Variants in OSCAR observed in about 807,000 individuals in gnomAD.
The protein encoded by OSCAR is osteoclast-associated immunoglobulin-like receptor.
OSCAR carries 25 observed loss-of-function variants against 27.3 expected under a neutral mutation model. That is an observed-to-expected ratio of 0.92 (90% CI 0.67 to 1.28). The LOEUF is 1.28. OSCAR is among the 50% of genes most tolerant of loss of function. The pLI, the probability that OSCAR is intolerant of heterozygous loss-of-function variation, is 0.00. For missense variants in OSCAR, 354 were observed against 355.1 expected (o/e 1.00, Z 0.03); for synonymous variants, 158 against 165.7 (o/e 0.95, Z 0.36).
In OSCAR at chr19:54,095,012, G is replaced by A. The variant is rs1447992552; in HGVS notation, c.*209C>T. 2.1e-5 allele frequency: 16 copies of A among 754,998 alleles called. No homozygotes were observed. The Admixed American group carries it at 5.5e-4, about 26-fold the overall frequency. 46.8% of individuals were successfully genotyped at this position (754,998 alleles called of 1,614,324 possible). A position where few individuals can be genotyped will look rare whatever the true frequency, so the allele number is the denominator to read the frequency against. On this transcript the variant is annotated 3_prime_UTR_variant, in exon 5 of 5. Coordinates refer to ENST00000358375, the MANE Select transcript of OSCAR (RefSeq NM_133169.6). Reference sequence around the variant, plus strand: ...GAACCCTCTGTCTTCTGGCTTGGAAGTCTTAACCACTAATCGCGTCTTCCT... The same window carrying A: ...GAACCCTCTGTCTTCTGGCTTGGAAATCTTAACCACTAATCGCGTCTTCCT...
chr19:54,095,593 G>A, intron 4 of OSCAR: 1 of 1,176,162 alleles, frequency 8.5e-7, no homozygotes, highest in South Asian at 1.6e-5. Context: ...CAGGAAGGAG[G>A]GGCTGGGGGC....
chr19:54,099,745 C>T lies in OSCAR; in HGVS notation c.70+3G>A. 1 of 1,613,478 alleles carries T rather than the reference C, an allele frequency of 6.2e-7. No individual in the cohort carries two copies. Among genetic ancestry groups the T allele is most frequent in the East Asian group, 2.2e-5 (1 of 44,864 alleles). ...AAGGAGAGTGGATGGGGTGGCTACTCACCAGACGGAGTGATGTCTGTGTGA... is the reference window on the plus strand; with the variant it reads ...AAGGAGAGTGGATGGGGTGGCTACTTACCAGACGGAGTGATGTCTGTGTGA... On this transcript the variant is annotated splice_donor_region_variant and intron_variant, in intron 2 of 4. Transcript: ENST00000358375.
chr19:54,097,300 A>G (rs905274585), intron 2 of OSCAR, 136 bp from the exon 3 acceptor site: 1 of 911,190 alleles, frequency 1.1e-6, no homozygotes, highest in Non-Finnish European at 1.6e-6. Context: ...TTGTAAAATC[A>G]GGGAGAGACT....
rs1568540947 is a variant in OSCAR, at chr19:54,096,971, C to G, written c.264G>C (p.Glu88Asp). ...TTCCCCCTTGGGCTGGAGTCACCTC[C>G]TCCAGAAAGAATTCTGCCAGCTCGG... ...VSSELAEFFL[E>D]EVTPAQGGSY... The change falls in exon 3 of 5, where the codon GAG (glutamate) becomes GAC (aspartate). Residue 88 changes from glutamate to aspartate, a missense_variant. By Grantham distance (45) the Glu-to-Asp change is conservative. Transcript: ENST00000358375. The G allele has an allele frequency of 6.2e-7, 1 of 1,614,152 alleles. No homozygotes were observed.
rs781756809 is a variant in OSCAR, at chr19:54,095,228, C to T, written c.785G>A (p.Arg262His). 2.5e-6 allele frequency: 4 copies of T among 1,611,568 alleles called. No individual in the cohort carries two copies. Among genetic ancestry groups the T allele is most frequent in the South Asian group, 1.1e-5 (1 of 90,572 alleles). The change falls in exon 5 of 5, where the codon CGC becomes CAC. Residue 262 changes from arginine to histidine, a missense_variant. Transcript: ENST00000358375. Reference sequence around the variant, plus strand: ...CTGCAGTGCTCCTGGGGCTCAGGGGCGGATACCAGCAGGAGCGCGGTTCTG... The same window carrying T: ...CTGCAGTGCTCCTGGGGCTCAGGGGTGGATACCAGCAGGAGCGCGGTTCTG... ...RSQNRAPAGI[R>H]P
intron 3 of OSCAR, among the ~76,000 whole-genome samples, chr19:54,096,398 CCCTCTCTCTCTGCCT>C: frequency 7.5e-6 from 1 of 133,994 alleles, no homozygotes; most frequent in Non-Finnish European, 1.6e-5. Context: ...CTCTCTGCCT[CCCTCTCTCTCTGCCT>C]CCCTCTCTCT....
chr19:54,095,641 C>T, intron 4 of OSCAR: 1 of 1,003,744 alleles, frequency 1.0e-6, no homozygotes, highest in Non-Finnish European at 1.4e-6. Context: ...TACTGGGGCC[C>T]GGGAATCCTG....
rs1435117560 is a variant in OSCAR, at chr19:54,096,103, GACCC to G, written c.420_423del (p.Gly141LeufsTer5). 4.6e-6 allele frequency: 7 copies of G among 1,530,514 alleles called. No individual in the cohort carries two copies. In the South Asian group the frequency reaches 8.4e-5, roughly 18 times the overall value. The allele number at this position is 1,530,514 out of a possible 1,614,324, so 94.8% of individuals were successfully genotyped here. Reference sequence around the variant, plus strand: ...CAGCGCAGGCTCACGTTGGCGCCAGGACCCACCACCGGCCCGGGCAGCGCCACCA... The same window carrying G: ...CAGCGCAGGCTCACGTTGGCGCCAGGACCACCGGCCCGGGCAGCGCCACCA... On this transcript the variant is annotated frameshift_variant, in exon 4 of 5. Transcript: ENST00000358375. LOFTEE classifies it high-confidence loss of function.
chr19:54,095,189 T>C lies in OSCAR; in HGVS notation c.*32A>G. On this transcript the variant is annotated 3_prime_UTR_variant, in exon 5 of 5. Coordinates refer to ENST00000358375, the MANE Select transcript of OSCAR (RefSeq NM_133169.6). ...GGTCCCAGCTTCTCCGCCACTCAGG[T>C]TGGAAGTCTCGGGCTGCAGTGCTCC... 6.2e-7 allele frequency: 1 copy of C among 1,602,192 alleles called. No individual in the cohort carries two copies. The highest frequency in any genetic ancestry group is 8.5e-7 in the Non-Finnish European group (1 of 1,173,862).
At chr19:54,100,697 C>A in intron 1 of OSCAR, 59 bp downstream of exon 1, 1 of 1,512,750 alleles carries the variant, frequency 6.6e-7, no homozygotes, top group Non-Finnish European at 9.0e-7. Flanking sequence ...GTCTCCATTG[C>A]CTCTCTCTCT....
chr19:54,094,991 CCTCT>C lies in OSCAR; in HGVS notation c.*226_*229del. The stretch of plus-strand genomic sequence containing the variant: ...TAGACGGCAGTGCTGGGATTCGAAC[CCTCT>C]GTCTTCTGGCTTGGAAGTCTTAACC... On this transcript the variant is annotated 3_prime_UTR_variant, in exon 5 of 5. Coordinates refer to ENST00000358375, the MANE Select transcript of OSCAR (RefSeq NM_133169.6). 1 of 600,016 alleles carries C rather than the reference CCTCT, an allele frequency of 1.7e-6. No individual in the cohort carries two copies. Among genetic ancestry groups the C allele is most frequent in the South Asian group, 3.6e-5 (1 of 27,780 alleles). The allele number at this position is 600,016 out of a possible 1,614,324, so 37.2% of individuals were successfully genotyped here.
At position 54,096,747 on chromosome 19, in the gene OSCAR, T is replaced by C. The variant is rs1313705108; in HGVS notation, c.373+115A>G. 13 of 1,164,946 alleles carry C rather than the reference T, an allele frequency of 1.1e-5. No homozygotes were observed. The Admixed American group carries it at 2.3e-4, about 20-fold the overall frequency. 72.2% of individuals were successfully genotyped at this position (1,164,946 alleles called of 1,614,324 possible). ...TAGTGTCTCTGTATCTGTCTTTTCTTGTGTCTGTGAATCTGTTTGCCCGCC... is the reference window on the plus strand; with the variant it reads ...TAGTGTCTCTGTATCTGTCTTTTCTCGTGTCTGTGAATCTGTTTGCCCGCC... On this transcript the variant is annotated intron_variant, in intron 3 of 4. Coordinates refer to ENST00000358375, the MANE Select transcript of OSCAR (RefSeq NM_133169.6).
intron 3 of OSCAR, 22 bp from the exon 4 acceptor site, chr19:54,096,175 C>A (rs1404446167): frequency 6.8e-7 from 1 of 1,480,110 alleles, no homozygotes; most frequent in Non-Finnish European, 8.9e-7. Flanking sequence ...GGGTGAGAGT[C>A]CGGGGCCGCG....
rs1239550029 is a variant in OSCAR, at chr19:54,094,689, G to A, written c.*532C>T. 1.3e-5 allele frequency: 2 copies of A among 152,402 alleles called. No individual in the cohort carries two copies. The highest frequency in any genetic ancestry group is 2.9e-5 in the Non-Finnish European group (2 of 68,206). The allele number at this position is 152,402 out of a possible 1,614,324, so 9.4% of individuals were successfully genotyped here. A position where few individuals can be genotyped will look rare whatever the true frequency, so the allele number is the denominator to read the frequency against. ...AGAGTTAGCAGCAGCAAGATTTATT[G>A]TGTAGAGCAAGAGAACAAAGCTCCC... On this transcript the variant is annotated 3_prime_UTR_variant, in exon 5 of 5. Transcript: ENST00000358375.
At chr19:54,099,838 A>G in intron 1 of OSCAR, 58 bp from the exon 2 acceptor site, 2 of 1,556,708 alleles carry the variant, frequency 1.3e-6, no homozygotes, top group East Asian at 2.3e-5. Flanking sequence ...TCTGAGGCAG[A>G]GTCTCACTCT....
In OSCAR at chr19:54,096,887, G is replaced by A. The variant is rs1316636973; in HGVS notation, c.348C>T (p.Ser116=). The A allele has an allele frequency of 6.2e-7, 1 of 1,613,630 alleles. No individual in the cohort carries two copies. ...CTGTCACCAGCAGCTCCAGGACATC[G>A]CTGGGCTGGGACCAGACACCCGGCC... ...DWGPGVWSQP[S]DVLELLVTEE... is the part of the protein sequence containing the mutation. Residue 116 remains serine (S), a synonymous_variant, in exon 3 of 5, where the codon AGC becomes AGT. Transcript: ENST00000358375.
At position 54,099,754 on chromosome 19, in the gene OSCAR, G is replaced by A; in HGVS notation, c.64C>T (p.Pro22Ser). ...GGATGGGGTGGCTACTCACCAGACG[G>A]AGTGATGTCTGTGTGACACAGAGGC... The part of the protein sequence containing the change: ...LWPLCHTDIT[P>S]SVPPASYHPK... Residue 22 changes from proline (P) to serine (S), a missense_variant, in exon 2 of 5, where the codon CCG becomes TCG. Transcript: ENST00000358375. 6.2e-7 allele frequency: 1 copy of A among 1,613,816 alleles called. No individual in the cohort carries two copies. Among genetic ancestry groups the A allele is most frequent in the East Asian group, 2.2e-5 (1 of 44,876 alleles).
rs892573708 is a variant in OSCAR, at chr19:54,096,964, T to G, written c.271A>C (p.Thr91Pro). The G allele has an allele frequency of 1.5e-5, 24 of 1,613,682 alleles. No homozygotes were observed. The highest frequency in any genetic ancestry group is 1.9e-5 in the Non-Finnish European group (22 of 1,179,964). The change falls in exon 3 of 5, where the codon ACT (threonine) becomes CCT (proline). Residue 91 changes from threonine (T) to proline (P), a missense_variant. Transcript: ENST00000358375. ...ELAEFFLEEV[T>P]PAQGGSYRCC... ...CGGTAACTTCCCCCTTGGGCTGGAG[T>G]CACCTCCTCCAGAAAGAATTCTGCC...
intron 2 of OSCAR, 70 bp from the exon 3 acceptor site, chr19:54,097,234 A>G: frequency 1.4e-6 from 2 of 1,466,708 alleles, no homozygotes. Context: ...GAAGTTGGGG[A>G]AGGAGGAAAA....
Sources: gnomAD v4.1 joint callset for allele counts (sites outside exome capture counted in the v4.1 genomes callset) on GRCh38, gnomAD v4.1.1 for gene constraint, MANE v1.5 for transcripts, NCBI Gene and HGNC (gene_info 2026-07-23, HGNC 2026-07-21) for gene names.